Variants in BLK observed in about 807,000 individuals in gnomAD.
BLK encodes the protein tyrosine-protein kinase Blk.
In BLK, 64 loss-of-function variants were observed where a neutral mutation model predicts 61.8. That is an observed-to-expected ratio of 1.03 (90% CI 0.85 to 1.27). The LOEUF (loss-of-function observed/expected upper bound fraction) is 1.27. Ranked by LOEUF, BLK falls within the 50% of genes most tolerant of loss-of-function variation. The pLI, the probability that BLK is intolerant of heterozygous loss-of-function variation, is 0.00. For synonymous variants in BLK, 351 were observed against 272.0 expected (o/e 1.29, Z -2.86); for missense variants, 853 against 660.5 (o/e 1.29, Z -3.19).
At chr8:11,562,440 G>T (rs1261325290) in intron 11 of BLK, among the ~76,000 whole-genome samples, 1 of 152,198 alleles carries the variant, frequency 6.6e-6, no homozygotes, top group Non-Finnish European at 1.5e-5. Context: ...AGGCTGTGAA[G>T]TGCCAAGCCC....
intron 2 of BLK, 29 bp downstream of exon 2, chr8:11,543,376 C>A (rs1471512369): frequency 2.5e-6 from 4 of 1,610,894 alleles, no homozygotes; most frequent in African/African-American, 1.3e-5. Flanking sequence ...CCACCAAGAG[C>A]AGATTACTTA....
intron 5 of BLK, 26 bp downstream of exon 5, chr8:11,549,148 G>C: frequency 1.9e-6 from 3 of 1,559,530 alleles, no homozygotes; most frequent in Non-Finnish European, 1.7e-6. Flanking sequence ...AACCCCCCTC[G>C]AGCCAAGATG....
In BLK at chr8:11,530,013, A is replaced by G. The variant is rs116379673; in HGVS notation, c.-1-13211A>G. ...ACAGGTGTGCTGTAGCTGTTTTGAA[A>G]CATAATTTTTCTCTCTCCAGTTTAT... On this transcript the variant is annotated intron_variant, in intron 1 of 12. Coordinates refer to ENST00000259089, the MANE Select transcript of BLK (RefSeq NM_001715.3). Among the ~76,000 whole-genome samples the G allele has an allele frequency of 2.8e-3, 429 of 152,336 alleles. 3 individuals carry two copies. Among genetic ancestry groups the G allele is most frequent in the African/African-American group, 9.6e-3 (401 of 41,564 alleles).
chr8:11,501,330 T>G (rs915681485), intron 1 of BLK, among the ~76,000 whole-genome samples: 1 of 151,388 alleles, frequency 6.6e-6, no homozygotes, highest in African/African-American at 2.4e-5. Flanking sequence ...ATTTGGTGCT[T>G]TATGGGAAAG....
At chr8:11,552,349 A>C (rs73663165) in intron 6 of BLK, 2 of 152,192 alleles carry the variant, frequency 1.3e-5, no homozygotes, top group African/African-American at 4.8e-5. Context: ...ATTTCTTGGA[A>C]TATGCCAATG....
intron 5 of BLK, 84 bp downstream of exon 5, chr8:11,549,206 G>C: frequency 7.8e-7 from 1 of 1,277,414 alleles, no homozygotes; most frequent in East Asian, 2.5e-5. Context: ...CAGGGCCAGA[G>C]TGGGACTGAC....
At chr8:11,531,097 A>G (rs975927176) in intron 1 of BLK, among the ~76,000 whole-genome samples, 2 of 152,116 alleles carry the variant, frequency 1.3e-5, no homozygotes, top group Non-Finnish European at 2.9e-5. Context: ...ATGACTGACG[A>G]CACCGAACAC....
At chr8:11,549,259 G>C (rs1054602008) in intron 5 of BLK, 137 bp downstream of exon 5, 1 of 799,808 alleles carries the variant, frequency 1.3e-6, no homozygotes. Flanking sequence ...CAGGAAATGA[G>C]CTCTGCTGGG....
chr8:11,546,831 C>G (rs1424276602), intron 3 of BLK, among the ~76,000 whole-genome samples: 1 of 152,218 alleles, frequency 6.6e-6, no homozygotes, highest in African/African-American at 2.4e-5. Context: ...CCGCCTCAGC[C>G]TCTCAAAGTG....
intron 1 of BLK, among the ~76,000 whole-genome samples, chr8:11,514,008 G>T (rs1460098372): frequency 6.6e-6 from 1 of 152,180 alleles, no homozygotes; most frequent in East Asian, 1.9e-4. Context: ...CATGGCTGTG[G>T]TGTTTTATGA....
At chr8:11,529,426 T>A (rs1190567204) in intron 1 of BLK, among the ~76,000 whole-genome samples, 2 of 151,908 alleles carry the variant, frequency 1.3e-5, no homozygotes, top group Non-Finnish European at 2.9e-5. Flanking sequence ...CTGCGCTGAG[T>A]CAATTCCTGG....
chr8:11,545,817 T>G lies in BLK; in HGVS notation c.124-235T>G, dbSNP rs575829311. 2.1e-5 allele frequency: 12 copies of G among 579,166 alleles called. No individual in the cohort carries two copies. The Admixed American group carries it at 2.5e-4, about 12-fold the overall frequency. 35.9% of individuals were successfully genotyped at this position (579,166 alleles called of 1,614,324 possible). A position where few individuals can be genotyped will look rare whatever the true frequency, so the allele number is the denominator to read the frequency against. On this transcript the variant is annotated intron_variant, in intron 2 of 12. Transcript: ENST00000259089. ...TGTCCACAGCTGTCTCATATCCACA[T>G]TGGGGCATCCCCCAGCGCGGTCAGG...
At chr8:11,541,245 G>A (rs551712248) in intron 1 of BLK, among the ~76,000 whole-genome samples, 18 of 152,280 alleles carry the variant, frequency 1.2e-4, no homozygotes, top group African/African-American at 7.2e-5. Flanking sequence ...TCCAGCGTAG[G>A]CAACAGAGTG....
rs74586510 is a variant in BLK at position 11,563,577 on chromosome 8, A to G, written c.1313-326A>G. 6.0e-3 allele frequency among the ~76,000 whole-genome samples: 910 copies of G among 152,278 alleles called. 15 individuals are homozygous for G. The highest frequency in any genetic ancestry group is 0.021 in the African/African-American group (876 of 41,552). ...TCACCTGCTGCTGTGTGCACCTGGC[A>G]GCTGCCCATGAGTGATGGGCTTGGC... On this transcript the variant is annotated intron_variant, in intron 12 of 12. Coordinates refer to ENST00000259089, the MANE Select transcript of BLK (RefSeq NM_001715.3).
At chr8:11,528,195 C>T (rs995953060) in intron 1 of BLK, among the ~76,000 whole-genome samples, 1 of 152,090 alleles carries the variant, frequency 6.6e-6, no homozygotes, top group African/African-American at 2.4e-5. Flanking sequence ...TGCCTCCATG[C>T]CTGGCTAATT....
At chr8:11,540,546 T>C (rs1376146682) in intron 1 of BLK, among the ~76,000 whole-genome samples, 1 of 152,118 alleles carries the variant, frequency 6.6e-6, no homozygotes, top group Non-Finnish European at 1.5e-5. Flanking sequence ...TCCATTTATA[T>C]TAGGAACAAG....
intron 9 of BLK, 106 bp downstream of exon 9, chr8:11,556,943 C>A (rs767912320): frequency 6.2e-5 from 72 of 1,169,128 alleles, no homozygotes; most frequent in Non-Finnish European, 8.3e-5. Flanking sequence ...GGGGGTCCTG[C>A]AGATCTAGGG....
intron 1 of BLK, among the ~76,000 whole-genome samples, chr8:11,516,116 A>G (rs972047750): frequency 2.0e-5 from 3 of 152,264 alleles, no homozygotes; most frequent in African/African-American, 7.2e-5. Context: ...ATACTGCTAC[A>G]TGGATGAACC....
At chr8:11,507,303 G>A (rs1024891436) in intron 1 of BLK, among the ~76,000 whole-genome samples, 10 of 152,212 alleles carry the variant, frequency 6.6e-5, no homozygotes, top group African/African-American at 1.9e-4. Context: ...GAATAAGGCA[G>A]AATGTCCTAC....
Sources: allele counts gnomAD v4.1 joint callset (sites outside exome capture counted in the v4.1 genomes callset), GRCh38; gene constraint gnomAD v4.1.1; transcripts MANE v1.5; gene names NCBI Gene and HGNC (gene_info 2026-07-23, HGNC 2026-07-21).